TRPM5: variants seen among roughly 807,000 people sequenced by gnomAD.
TRPM5 encodes transient receptor potential cation channel subfamily M member 5, also known as MLSN1 and TRP-related.
In TRPM5, 121 loss-of-function variants were observed where a neutral mutation model predicts 124.9. That is an observed-to-expected ratio of 0.97 (90% confidence interval 0.84 to 1.13). TRPM5 has a LOEUF of 1.13. Among genes scored for constraint, TRPM5 ranks in the 50% most tolerant of loss-of-function variants. The pLI is 0.00. For synonymous variants in TRPM5, 781 were observed against 700.5 expected, an observed-to-expected ratio of 1.11 and a Z score of -1.81; for missense variants, 1,643 against 1,589.1, an observed-to-expected ratio of 1.03 and a Z score of -0.58.
chr11:2,410,046 C>T (rs952099911), intron 18 of TRPM5, among the ~76,000 whole-genome samples: 7 of 152,168 alleles, frequency 4.6e-5, no homozygotes, highest in South Asian at 2.1e-4. Flanking sequence ...CCTCCTGCCC[C>T]GAGGGGCCCT....
At chr11:2,406,551 C>G (rs959396301) in intron 21 of TRPM5, 110 bp downstream of exon 26, 99 of 1,412,216 alleles carry the variant, frequency 7.0e-5, no homozygotes, top group Non-Finnish European at 9.3e-5. Context: ...CCTGCCCCTA[C>G]CCCTTCAGCT....
At position 2,418,365 on chromosome 11, in the gene TRPM5, C is replaced by T. The variant is rs568937423; in HGVS notation, c.715-7G>A. 2.1e-5 allele frequency: 33 copies of T among 1,544,766 alleles called. 1 individual carries two copies. The highest frequency in any genetic ancestry group is 1.7e-4 in the South Asian group (14 of 84,456). On this transcript the variant is annotated splice_region_variant and splice_polypyrimidine_tract_variant and intron_variant, in intron 5 of 23. Transcript: ENST00000155858. ...CCACGGCCCTGGAGATCCTCTGAGACGGGGAGGGAGGGGAGAGCGGACCCC... is the reference window on the plus strand; with the variant it reads ...CCACGGCCCTGGAGATCCTCTGAGATGGGGAGGGAGGGGAGAGCGGACCCC...
chr11:2,411,442 G>T (rs774790310), exon 18 of TRPM5: 2 of 1,612,210 alleles, frequency 1.2e-6, no homozygotes, highest in Non-Finnish European at 1.7e-6. Flanking sequence ...CGGCCGTCAT[G>T]GGGGTGCAGC....
the TRPM5 span, among the ~76,000 whole-genome samples, chr11:2,442,054 T>A: frequency 6.6e-6 from 1 of 152,180 alleles, no homozygotes; most frequent in African/African-American, 2.4e-5. The surrounding 1 kb of genome is among the most constrained non-coding windows in gnomAD (Gnocchi z 5.9). Context: ...GTTTTCAGAA[T>A]AATGAGCAAA....
chr11:2,407,219 C>T (rs140407752), exon 20 of TRPM5: 1 of 1,611,632 alleles, frequency 6.2e-7, no homozygotes, highest in African/African-American at 1.3e-5. Context: ...GGGCGGGGCG[C>T]TCGTGGTACT....
At chr11:2,422,357 C>A (rs1234480492) in intron 1 of TRPM5, 36 bp from the exon 7 acceptor site, 19 of 1,552,456 alleles carry the variant, frequency 1.2e-5, no homozygotes, top group Non-Finnish European at 1.7e-5. Context: ...GCTTTCGGGG[C>A]ACGGGGCATG....
chr11:2,422,086 G>T (rs1416068183), intron 2 of TRPM5, 55 bp downstream of exon 7: 1 of 1,515,026 alleles, frequency 6.6e-7, no homozygotes, highest in Non-Finnish European at 8.9e-7. Flanking sequence ...GGACAGTCAG[G>T]GGGTCGGGCT....
Position 2,406,623 on chromosome 11 carries a change from G to A in TRPM5, c.3251+38C>T, listed in dbSNP as rs760429971. On this transcript the variant is annotated intron_variant, in intron 21 of 23. Transcript: ENST00000155858. The stretch of plus-strand genomic sequence containing the variant: ...AATGGCACATCCCCGCTTAAAGACA[G>A]CCCGATACCCACCAGTGATCAGGAC... 8.9e-6 allele frequency: 14 copies of A among 1,569,136 alleles called. No homozygotes were observed. The South Asian group carries it at 9.5e-5, about 11-fold the overall frequency.
downstream of TRPM5, among the ~76,000 whole-genome samples, chr11:2,404,071 C>T (rs1329259932): frequency 6.6e-6 from 1 of 152,180 alleles, no homozygotes; most frequent in Non-Finnish European, 1.5e-5. Flanking sequence ...GGCAGGTGTC[C>T]AGTGAGTGCC....
chr11:2,429,471 G>A, the TRPM5 span, among the ~76,000 whole-genome samples: 12 of 151,710 alleles, frequency 7.9e-5, no homozygotes, highest in African/African-American at 1.7e-4. This position sits in a 1 kb window ranked among gnomAD's most constrained non-coding sequence, Gnocchi z 8.4. Flanking sequence ...TGATGGAGAC[G>A]ATGATGGTGA....
chr11:2,415,442 G>T (rs368438543), exon 9 of TRPM5: 1 of 1,584,096 alleles, frequency 6.3e-7, no homozygotes, highest in African/African-American at 1.3e-5. Context: ...TGACCAGGGC[G>T]TCCACCATCA....
the TRPM5 span, among the ~76,000 whole-genome samples, chr11:2,444,206 G>T: frequency 1.3e-5 from 2 of 152,160 alleles, no homozygotes; most frequent in African/African-American, 4.8e-5. Flanking sequence ...GCCCTGGTGG[G>T]AAGCGACCCG....
chr11:2,414,973 C>T lies in TRPM5; in HGVS notation c.1554G>A (p.Trp518Ter). 1 of 1,607,904 alleles carries T rather than the reference C, an allele frequency of 6.2e-7. No individual in the cohort carries two copies. Among genetic ancestry groups the T allele is most frequent in the Non-Finnish European group, 8.5e-7 (1 of 1,179,418 alleles). ...GCACGGCCCACAGGAACAGGTCCCGCCAGGGGTTCTCGCTCTTCTGGTTCA... is the reference window on the plus strand; with the variant it reads ...GCACGGCCCACAGGAACAGGTCCCGTCAGGGGTTCTCGCTCTTCTGGTTCA... Residue 518 changes from tryptophan (W) to a stop codon, truncating the protein, a stop_gained, in exon 10 of 24, where the codon TGG (tryptophan) becomes TGA (stop). Coordinates refer to ENST00000155858, the Ensembl canonical transcript of TRPM5. LOFTEE classifies it high-confidence loss of function.
chr11:2,421,053 G>A (rs372024643), exon 3 of TRPM5: 124 of 1,546,158 alleles, frequency 8.0e-5, no homozygotes, highest in Non-Finnish European at 9.9e-5. Flanking sequence ...CCAGAATGCG[G>A]CGGTGCAGGA....
chr11:2,419,437 G>A (rs1845734046), intron 4 of TRPM5, among the ~76,000 whole-genome samples: 1 of 131,048 alleles, frequency 7.6e-6, no homozygotes, highest in Non-Finnish European at 1.6e-5. Context: ...GTGCAACCCC[G>A]TCTCTACTGG....
chr11:2,414,009 G>GGGCCCCCCC, intron 12 of TRPM5, 52 bp downstream of exon 17: 18 of 1,023,700 alleles, frequency 1.8e-5, no homozygotes, highest in East Asian at 2.8e-5. Context: ...GGCCCAGCTC[G>GGGCCCCCCC]CCCGCCCACC....
the TRPM5 span, among the ~76,000 whole-genome samples, chr11:2,429,200 T>C: frequency 6.6e-5 from 10 of 150,704 alleles, no homozygotes; most frequent in African/African-American, 1.2e-4. The surrounding 1 kb of genome is among the most constrained non-coding windows in gnomAD (Gnocchi z 8.4). Flanking sequence ...GTGGTGTTGG[T>C]TGTTATGGTG....
chr11:2,421,683 C>T (rs569378374), intron 2 of TRPM5, among the ~76,000 whole-genome samples: 17 of 152,368 alleles, frequency 1.1e-4, no homozygotes, highest in Admixed American at 1.1e-3. Flanking sequence ...CCTCAAAAAA[C>T]AGCCCAGCCA....
chr11:2,443,826 C>T, the TRPM5 span, among the ~76,000 whole-genome samples: 5 of 149,002 alleles, frequency 3.4e-5, no homozygotes, highest in South Asian at 2.2e-4. The surrounding 1 kb of genome is among the most constrained non-coding windows in gnomAD (Gnocchi z 5.0). Flanking sequence ...GCCCCCCACC[C>T]CCCCCCCAAG....
Sources: allele counts gnomAD v4.1 joint callset (sites outside exome capture counted in the v4.1 genomes callset), GRCh38; gene constraint gnomAD v4.1.1; non-coding constraint Gnocchi (gnomAD v3.1); transcripts MANE v1.5; gene names NCBI Gene and HGNC (gene_info 2026-07-23, HGNC 2026-07-21).